The following MARCHF1 variants were observed in gnomAD, a reference collection of about 807,000 sequenced individuals.
The protein encoded by MARCHF1 is membrane associated ring-CH-type finger 1.
A neutral mutation model predicts 54.2 loss-of-function variants in MARCHF1; 40 were observed. The ratio of observed to expected loss-of-function variants is 0.74; its 90% CI spans 0.57 to 0.96. The LOEUF (loss-of-function observed/expected upper bound fraction) is 0.96. Among genes scored for constraint, MARCHF1 ranks in the 40% least tolerant of loss-of-function variants. MARCHF1 has a pLI of 0.00. For synonymous variants in MARCHF1, 236 were observed against 236.3 expected, an observed-to-expected ratio of 1.00 and a Z score of 0.01; for missense variants, 586 against 656.5, an observed-to-expected ratio of 0.89 and a Z score of 1.17.
intron 4 of MARCHF1, among the ~76,000 whole-genome samples, chr4:163,729,222 AG>A (rs1326144326): frequency 3.3e-5 from 5 of 152,150 alleles, no homozygotes; most frequent in Admixed American, 2.0e-4. Flanking sequence ...AAACAAAAAA[AG>A]AAAATGCCTT....
In MARCHF1 at chr4:163,890,311, C is replaced by A. The variant is rs532514815; in HGVS notation, c.-38-36142G>T. On this transcript the variant is annotated intron_variant, in intron 3 of 9. Transcript: ENST00000514618. ...TGTGCCAAAATTAATAAGTAAAATT[C>A]ATTTCCTTTATTTCACAAAATATTC... 1.1e-4 allele frequency among the ~76,000 whole-genome samples: 16 copies of A among 152,180 alleles called. No homozygotes were observed. The East Asian group carries it at 2.9e-3, about 28-fold the overall frequency.
chr4:163,603,301 T>C (rs1741032727), intron 7 of MARCHF1, among the ~76,000 whole-genome samples: 1 of 146,318 alleles, frequency 6.8e-6, no homozygotes, highest in Non-Finnish European at 1.5e-5. Flanking sequence ...CATACGAAAC[T>C]GGGAAAACAG....
chr4:164,374,656 A>G (rs79761513), intron 1 of MARCHF1, among the ~76,000 whole-genome samples: 15,276 of 152,130 alleles, frequency 0.1, 845 homozygotes, highest in Middle Eastern at 0.12. Flanking sequence ...CTTCTATATT[A>G]TACTTGTCAC....
At chr4:163,690,857 T>C (rs1228371505) in intron 5 of MARCHF1, among the ~76,000 whole-genome samples, 1 of 152,194 alleles carries the variant, frequency 6.6e-6, no homozygotes, top group Non-Finnish European at 1.5e-5. Flanking sequence ...TTTAGGCTTA[T>C]TGGACTCTTA....
intron 1 of MARCHF1, among the ~76,000 whole-genome samples, chr4:164,140,844 A>C (rs929591397): frequency 1.3e-5 from 2 of 152,128 alleles, no homozygotes; most frequent in South Asian, 4.1e-4. Context: ...TCTTATCCAC[A>C]AAGTACATCT....
intron 5 of MARCHF1, among the ~76,000 whole-genome samples, chr4:163,638,354 C>T (rs540698450): frequency 6.6e-6 from 1 of 151,966 alleles, no homozygotes; most frequent in East Asian, 1.9e-4. Context: ...TTAGTCCCAT[C>T]GTCTTGGTGA....
intron 1 of MARCHF1, among the ~76,000 whole-genome samples, chr4:164,315,460 A>G (rs1026346183): frequency 6.6e-6 from 1 of 152,166 alleles, no homozygotes; most frequent in Non-Finnish European, 1.5e-5. Context: ...TATGCAGACT[A>G]TATTCCATAT....
chr4:164,014,268 T>A (rs945852088), intron 2 of MARCHF1, among the ~76,000 whole-genome samples: 2 of 150,934 alleles, frequency 1.3e-5, no homozygotes, highest in Non-Finnish European at 3.0e-5. Flanking sequence ...AGTGTAGAGG[T>A]TTTTAGTTTT....
intron 2 of MARCHF1, among the ~76,000 whole-genome samples, chr4:164,020,748 C>T (rs149031750): frequency 1.6e-4 from 25 of 152,176 alleles, no homozygotes; most frequent in East Asian, 9.7e-4. Context: ...CCAGGCAACA[C>T]GGAGAAACCC....
chr4:164,256,586 G>T (rs1309202811), intron 1 of MARCHF1, among the ~76,000 whole-genome samples: 1 of 151,996 alleles, frequency 6.6e-6, no homozygotes, highest in Non-Finnish European at 1.5e-5. Flanking sequence ...AATAAGCAAA[G>T]TATTATCAGT....
rs183917675 is a variant in MARCHF1 at position 164,230,038 on chromosome 4, G to A, written c.-322-118376C>T. ...AAGCAATCTTCCTACTTCAGCCTCT[G>A]GAGTAGCTGGGACTACAGGTGTGTG... On this transcript the variant is annotated intron_variant, in intron 1 of 9. Coordinates refer to ENST00000514618, the MANE Select transcript of MARCHF1 (RefSeq NM_001394959.1). Among the ~76,000 whole-genome samples, 745 of 152,148 alleles carry A rather than the reference G, an allele frequency of 4.9e-3. 3 individuals carry two copies. The highest frequency in any genetic ancestry group is 8.4e-3 in the Non-Finnish European group (568 of 67,984).
At chr4:163,824,883 T>G (rs968298388) in intron 4 of MARCHF1, among the ~76,000 whole-genome samples, 1 of 136,776 alleles carries the variant, frequency 7.3e-6, no homozygotes, top group East Asian at 2.2e-4. Flanking sequence ...AAAAAGCACA[T>G]GAAAAAATGC....
At chr4:164,249,040 G>T (rs1329895983) in intron 1 of MARCHF1, among the ~76,000 whole-genome samples, 1 of 152,064 alleles carries the variant, frequency 6.6e-6, no homozygotes, top group Non-Finnish European at 1.5e-5. Flanking sequence ...TTTTCCCCAA[G>T]TGTTGCTGGC....
At chr4:163,707,973 G>A (rs1561030685) in intron 4 of MARCHF1, among the ~76,000 whole-genome samples, 1 of 151,766 alleles carries the variant, frequency 6.6e-6, no homozygotes, top group Non-Finnish European at 1.5e-5. Context: ...ACAGAGGGGG[G>A]CCACAGGGAA....
At chr4:164,095,801 C>T (rs911387683) in intron 2 of MARCHF1, among the ~76,000 whole-genome samples, 1 of 152,094 alleles carries the variant, frequency 6.6e-6, no homozygotes, top group South Asian at 2.1e-4. Context: ...ATACAAGCAG[C>T]CAACAAACAC....
intron 1 of MARCHF1, among the ~76,000 whole-genome samples, chr4:164,211,466 G>A (rs1268397261): frequency 6.6e-6 from 1 of 150,748 alleles, no homozygotes; most frequent in African/African-American, 2.4e-5. Context: ...AACATAAAAA[G>A]AACATCAAAT....
At chr4:163,906,664 C>A (rs188958925) in intron 3 of MARCHF1, among the ~76,000 whole-genome samples, 3 of 151,534 alleles carry the variant, frequency 2.0e-5, no homozygotes, top group Admixed American at 1.3e-4. Context: ...AGTTCAAGGA[C>A]AAGAAGTTTA....
At chr4:164,110,492 T>A (rs1755811494) in intron 2 of MARCHF1, among the ~76,000 whole-genome samples, 1 of 151,858 alleles carries the variant, frequency 6.6e-6, no homozygotes, top group African/African-American at 2.4e-5. Flanking sequence ...TTCTAACTCT[T>A]AAGTGTGTTC....
chr4:163,769,765 T>C (rs774134685), intron 4 of MARCHF1, among the ~76,000 whole-genome samples: 1 of 152,170 alleles, frequency 6.6e-6, no homozygotes, highest in Non-Finnish European at 1.5e-5. Flanking sequence ...AATTGCACCA[T>C]AACCACTTAG....
Sources: gnomAD v4.1 joint callset for allele counts (sites outside exome capture counted in the v4.1 genomes callset) on GRCh38, gnomAD v4.1.1 for gene constraint, MANE v1.5 for transcripts, NCBI Gene and HGNC (gene_info 2026-07-23, HGNC 2026-07-21) for gene names.